Variants in AGBL4 observed in about 807,000 individuals in gnomAD.
The protein encoded by AGBL4 is AGBL carboxypeptidase 4.
AGBL4 carries 58 observed loss-of-function variants against 66.4 expected under a neutral mutation model. The ratio of observed to expected loss-of-function variants is 0.87; its 90% CI spans 0.71 to 1.09. AGBL4 has a LOEUF of 1.09. AGBL4 is among the 50% of genes least tolerant of loss of function. The pLI, the probability that AGBL4 is intolerant of heterozygous loss-of-function variation, is 0.00. For missense variants in AGBL4, 579 were observed against 631.0 expected (o/e 0.92, Z 0.88); for synonymous variants, 234 against 222.9 (o/e 1.05, Z -0.44).
At chr1:49,723,397 T>C (rs927334033) in intron 2 of AGBL4, among the ~76,000 whole-genome samples, 15 of 152,134 alleles carry the variant, frequency 9.9e-5, no homozygotes, top group African/African-American at 3.6e-4. Context: ...TATACTCCCT[T>C]TTCTGCCACC....
At chr1:48,707,314 C>A (rs546445872) in intron 6 of AGBL4, among the ~76,000 whole-genome samples, 1 of 152,086 alleles carries the variant, frequency 6.6e-6, no homozygotes, top group Non-Finnish European at 1.5e-5. Context: ...ACAACAACAA[C>A]AACAAAAACA....
At chr1:48,764,299 C>A (rs2148670223) in intron 6 of AGBL4, among the ~76,000 whole-genome samples, 1 of 152,334 alleles carries the variant, frequency 6.6e-6, no homozygotes, top group East Asian at 1.9e-4. Flanking sequence ...ATTTCCTCAT[C>A]TATGAATTGA....
chr1:48,619,498 A>G (rs1307905463), intron 9 of AGBL4, among the ~76,000 whole-genome samples: 1 of 152,198 alleles, frequency 6.6e-6, no homozygotes, highest in Non-Finnish European at 1.5e-5. Flanking sequence ...TGGATGCTTA[A>G]CAAATATCAG....
chr1:48,720,684 T>G (rs1218991270), intron 6 of AGBL4, among the ~76,000 whole-genome samples: 1 of 152,210 alleles, frequency 6.6e-6, no homozygotes, highest in Non-Finnish European at 1.5e-5. Context: ...CTATATCTCT[T>G]GCACCTAGCA....
chr1:49,345,471 A>G (rs1645618071), intron 3 of AGBL4, among the ~76,000 whole-genome samples: 1 of 152,196 alleles, frequency 6.6e-6, no homozygotes, highest in African/African-American at 2.4e-5. Context: ...AACTTTGGAA[A>G]GGGTGAGAAG....
intron 3 of AGBL4, among the ~76,000 whole-genome samples, chr1:49,334,171 G>A (rs1395633691): frequency 1.3e-5 from 2 of 152,242 alleles, no homozygotes; most frequent in Middle Eastern, 3.4e-3. Context: ...CAGTAAGCAT[G>A]GAAACTGGCA....
At chr1:49,985,042 G>C (rs1659383191) in intron 1 of AGBL4, among the ~76,000 whole-genome samples, 4 of 152,134 alleles carry the variant, frequency 2.6e-5, no homozygotes, top group Admixed American at 2.6e-4. Flanking sequence ...AGCACTTCTT[G>C]CCCAACTACA....
chr1:49,948,532 T>A (rs1243150761), intron 1 of AGBL4, among the ~76,000 whole-genome samples: 2 of 58,470 alleles, frequency 3.4e-5, no homozygotes, highest in Admixed American at 2.1e-4. Flanking sequence ...AATAAATATA[T>A]ATAAATATAT....
At chr1:49,122,992 T>G (rs904373599) in intron 4 of AGBL4, among the ~76,000 whole-genome samples, 1 of 152,110 alleles carries the variant, frequency 6.6e-6, no homozygotes, top group African/African-American at 2.4e-5. Flanking sequence ...TAGCTGGGAT[T>G]ATAGGCACCC....
intron 8 of AGBL4, among the ~76,000 whole-genome samples, chr1:48,638,131 C>A (rs556902145): frequency 6.6e-6 from 1 of 152,212 alleles, no homozygotes; most frequent in African/African-American, 2.4e-5. Flanking sequence ...CTAAAACTCA[C>A]CACCTTTCCA....
At chr1:49,088,702 A>G (rs1181317001) in intron 4 of AGBL4, among the ~76,000 whole-genome samples, 1 of 152,178 alleles carries the variant, frequency 6.6e-6, no homozygotes, top group Non-Finnish European at 1.5e-5. Flanking sequence ...TCAAGGCAGA[A>G]AATGAACAAA....
intron 6 of AGBL4, among the ~76,000 whole-genome samples, chr1:48,721,929 G>C (rs1412077702): frequency 6.6e-6 from 1 of 152,120 alleles, no homozygotes; most frequent in Non-Finnish European, 1.5e-5. Flanking sequence ...CAGGTTTTGG[G>C]AATACAGCAG....
chr1:49,518,493 G>A (rs1473135784), intron 3 of AGBL4, among the ~76,000 whole-genome samples: 1 of 119,088 alleles, frequency 8.4e-6, no homozygotes, highest in Non-Finnish European at 1.8e-5. Flanking sequence ...AGAATCTGCT[G>A]TAGCCTTTGA....
intron 5 of AGBL4, among the ~76,000 whole-genome samples, chr1:49,028,673 C>G (rs937412417): frequency 3.9e-5 from 6 of 152,126 alleles, no homozygotes; most frequent in African/African-American, 1.4e-4. Flanking sequence ...ATGACGTATT[C>G]AAAGTGCTGA....
chr1:49,686,276 C>T (rs1039291245), intron 3 of AGBL4, among the ~76,000 whole-genome samples: 7 of 152,098 alleles, frequency 4.6e-5, no homozygotes, highest in African/African-American at 1.7e-4. Flanking sequence ...AGTTCTTTTG[C>T]CAGCACCCTC....
intron 3 of AGBL4, chr1:49,423,204 C>A (rs373548358): frequency 6.6e-6 from 1 of 152,176 alleles, no homozygotes; most frequent in African/African-American, 2.4e-5. Flanking sequence ...TTGTAACTTA[C>A]GCCAACTAAT....
At chr1:49,674,053 G>A (rs1035467852) in intron 3 of AGBL4, among the ~76,000 whole-genome samples, 1 of 152,016 alleles carries the variant, frequency 6.6e-6, no homozygotes, top group African/African-American at 2.4e-5. Flanking sequence ...AGAATCATGA[G>A]TGTGTGTACC....
rs554712753 is a variant in AGBL4, at chr1:49,699,668, T to C, written c.158-2231A>G. Among the ~76,000 whole-genome samples, 3 of 151,976 alleles carry C rather than the reference T, an allele frequency of 2.0e-5. No individual in the cohort carries two copies. The South Asian group carries it at 6.2e-4, about 32-fold the overall frequency. ...GAAAAATATTGCATGACTTGACTTA[T>C]ATGTAGAATCTGAAAGAAAAAAAGC... On this transcript the variant is annotated intron_variant, in intron 2 of 13. Coordinates refer to ENST00000371839, the MANE Select transcript of AGBL4 (RefSeq NM_032785.4).
intron 3 of AGBL4, 26 bp from the exon 4 acceptor site, chr1:49,245,890 A>G: frequency 6.8e-7 from 1 of 1,468,564 alleles, no homozygotes; most frequent in Non-Finnish European, 9.3e-7. Flanking sequence ...GGAGAAGTTC[A>G]TCTTTATGCT....
Sources: allele counts gnomAD v4.1 joint callset (sites outside exome capture counted in the v4.1 genomes callset), GRCh38; gene constraint gnomAD v4.1.1; transcripts MANE v1.5; gene names NCBI Gene and HGNC (gene_info 2026-07-23, HGNC 2026-07-21).